The following NRG1 variants were observed in gnomAD, a reference collection of about 807,000 sequenced individuals.
NRG1 encodes the protein neuregulin 1, also known as pro-neuregulin-1, membrane-bound isoform.
A neutral mutation model predicts 63.8 loss-of-function variants in NRG1; 18 were observed. That is an observed-to-expected ratio of 0.28 (90% CI 0.19 to 0.42). NRG1 has a LOEUF of 0.42. Ranked by LOEUF, NRG1 falls within the 10% of genes least tolerant of loss-of-function variation. NRG1 has a pLI of 1.00. For missense variants in NRG1, 762 were observed against 814.7 expected (o/e 0.94, Z 0.79); for synonymous variants, 302 against 301.3 (o/e 1.00, Z -0.02).
chr8:31,684,119 T>C (rs936181469), intron 1 of NRG1, among the ~76,000 whole-genome samples: 3 of 152,134 alleles, frequency 2.0e-5, no homozygotes, highest in Admixed American at 6.6e-5. Context: ...AACTGGATAT[T>C]TGTTAGAAAT....
chr8:31,925,389 C>T (rs938113724), intron 1 of NRG1, among the ~76,000 whole-genome samples: 1 of 151,510 alleles, frequency 6.6e-6, no homozygotes, highest in Admixed American at 6.6e-5. Flanking sequence ...ATTAATATAT[C>T]AATAATTGTA....
In NRG1 at chr8:32,374,717, A is replaced by G. The variant is rs563354205; in HGVS notation, c.38-221111A>G. ...CAGTAATCCTACTGAGAGAACAGAT[A>G]GGGTTCTTGGAGACTAGAAATTATG... On this transcript the variant is annotated intron_variant, in intron 1 of 10. Coordinates refer to the NRG1 transcript ENST00000519301. Among the ~76,000 whole-genome samples the G allele has an allele frequency of 1.9e-4, 29 of 151,972 alleles. No homozygotes were observed. In the South Asian group the frequency reaches 5.6e-3, roughly 29 times the overall value.
intron 1 of NRG1, among the ~76,000 whole-genome samples, chr8:31,851,297 T>G (rs996282937): frequency 6.6e-6 from 1 of 152,188 alleles, no homozygotes; most frequent in Non-Finnish European, 1.5e-5. Flanking sequence ...TTTATGCATG[T>G]CTTTGGGAAA....
At chr8:32,330,040 T>C (rs1362399170) in intron 1 of NRG1, among the ~76,000 whole-genome samples, 2 of 39,494 alleles carry the variant, frequency 5.1e-5, no homozygotes, top group South Asian at 2.3e-3. Flanking sequence ...ACCTAGCTAA[T>C]TAAAAAAAAA....
At chr8:32,554,510 A>G (rs570274553) in intron 1 of NRG1, among the ~76,000 whole-genome samples, 1 of 152,362 alleles carries the variant, frequency 6.6e-6, no homozygotes, top group Non-Finnish European at 1.5e-5. Context: ...TTACAAAAGT[A>G]CATTTTATTA....
intron 1 of NRG1, among the ~76,000 whole-genome samples, chr8:32,339,668 A>G (rs1048789657): frequency 2.6e-5 from 4 of 152,180 alleles, no homozygotes; most frequent in Non-Finnish European, 5.9e-5. Context: ...CAATTTATGA[A>G]ATGGGCATTT....
intron 6 of NRG1, among the ~76,000 whole-genome samples, chr8:32,729,947 A>G (rs961421820): frequency 6.6e-6 from 1 of 152,206 alleles, no homozygotes; most frequent in African/African-American, 2.4e-5. Flanking sequence ...TACAGTGCCA[A>G]GACAAGTGTT....
Position 32,221,837 on chromosome 8 carries a change from A to G in NRG1, c.38-373991A>G, listed in dbSNP as rs1420827203. On this transcript the variant is annotated intron_variant, in intron 1 of 10. Transcript: ENST00000519301. ...GTCTAAAAGGAAAAAAATTGAACAT[A>G]TATCTTTATATTTTTTTTGCTCTCT... Among the ~76,000 whole-genome samples, 8 of 152,056 alleles carry G rather than the reference A, an allele frequency of 5.3e-5. No homozygotes were observed. The East Asian group carries it at 5.8e-4, about 11-fold the overall frequency.
intron 5 of NRG1, among the ~76,000 whole-genome samples, chr8:32,632,619 T>C (rs955259216): frequency 6.6e-6 from 1 of 151,620 alleles, no homozygotes; most frequent in Non-Finnish European, 1.5e-5. Flanking sequence ...ATCATAAGGA[T>C]AAAAAATTCA....
At chr8:31,932,305 A>G (rs1037065871) in intron 1 of NRG1, among the ~76,000 whole-genome samples, 6 of 152,184 alleles carry the variant, frequency 3.9e-5, no homozygotes, top group Admixed American at 1.3e-4. Flanking sequence ...AATTTTCCGT[A>G]TAGGAATACT....
At chr8:32,772,085 A>G (rs1831863531), downstream of NRG1, among the ~76,000 whole-genome samples, 1 of 140,168 alleles carries the variant, frequency 7.1e-6, no homozygotes, top group Non-Finnish European at 1.5e-5. Flanking sequence ...ATATATATAT[A>G]TATAAAATCC....
chr8:32,549,913 G>T (rs954586896), intron 1 of NRG1, among the ~76,000 whole-genome samples: 1 of 152,168 alleles, frequency 6.6e-6, no homozygotes, highest in African/African-American at 2.4e-5. Context: ...GTCGCTTCGA[G>T]CGTACCCCCA....
At chr8:31,999,351 T>C (rs570644202) in intron 1 of NRG1, among the ~76,000 whole-genome samples, 5 of 152,006 alleles carry the variant, frequency 3.3e-5, no homozygotes, top group Non-Finnish European at 7.4e-5. Context: ...AAATTATGTA[T>C]CTAAATATGT....
At position 31,640,352 on chromosome 8, in the gene NRG1, G is replaced by A. The variant is rs1455526393; in HGVS notation, c.37+921G>A. On this transcript the variant is annotated intron_variant, in intron 1 of 10. Coordinates refer to the NRG1 transcript ENST00000519301. This position sits in a 1 kb window ranked among gnomAD's most constrained non-coding sequence, Gnocchi z 6.3. ...CGCGAGCCGCCAGCCGCGGGCCCACGGGCGCTGGGGCCGCCCGCCGAGGAG... is the reference window on the plus strand; with the variant it reads ...CGCGAGCCGCCAGCCGCGGGCCCACAGGCGCTGGGGCCGCCCGCCGAGGAG... 2.5e-6 allele frequency: 3 copies of A among 1,212,750 alleles called. No individual in the cohort carries two copies. The highest frequency in any genetic ancestry group is 3.1e-6 in the Non-Finnish European group (3 of 976,622). The allele number at this position is 1,212,750 out of a possible 1,614,324, so 75.1% of individuals were successfully genotyped here. A position where few individuals can be genotyped will look rare whatever the true frequency, so the allele number is the denominator to read the frequency against.
chr8:31,998,523 G>A (rs1812399604), intron 1 of NRG1, among the ~76,000 whole-genome samples: 1 of 152,018 alleles, frequency 6.6e-6, no homozygotes, highest in Admixed American at 6.6e-5. Context: ...AAGAGGAAAA[G>A]ACAAATTGTA....
chr8:32,398,374 A>C (rs908883049), intron 1 of NRG1, among the ~76,000 whole-genome samples: 1 of 150,292 alleles, frequency 6.7e-6, no homozygotes, highest in Non-Finnish European at 1.5e-5. Flanking sequence ...TCATCAGTGC[A>C]GCTCTGTTTA....
chr8:32,384,478 T>A (rs1178751905), intron 1 of NRG1, among the ~76,000 whole-genome samples: 1 of 152,212 alleles, frequency 6.6e-6, no homozygotes, highest in Non-Finnish European at 1.5e-5. Flanking sequence ...TGTAACTTTG[T>A]CATTTTGGTT....
chr8:32,669,604 C>T (rs1441955037), intron 5 of NRG1, among the ~76,000 whole-genome samples: 3 of 152,086 alleles, frequency 2.0e-5, no homozygotes, highest in Admixed American at 6.6e-5. Flanking sequence ...CTCTGTTGTG[C>T]GCTGACATTT....
intron 1 of NRG1, among the ~76,000 whole-genome samples, chr8:31,910,492 G>A (rs1224023585): frequency 6.6e-6 from 1 of 152,132 alleles, no homozygotes; most frequent in African/African-American, 2.4e-5. Context: ...ACATGAAAAA[G>A]ACCAGTTAGA....
Sources: gnomAD v4.1 joint callset for allele counts (sites outside exome capture counted in the v4.1 genomes callset) on GRCh38, gnomAD v4.1.1 for gene constraint, Gnocchi (gnomAD v3.1) non-coding constraint, MANE v1.5 for transcripts, NCBI Gene and HGNC (gene_info 2026-07-23, HGNC 2026-07-21) for gene names.